CHD5: variants seen among roughly 807,000 people sequenced by gnomAD.
CHD5 encodes ATP-dependent chromatin remodeler CHD5.
CHD5 carries 69 observed loss-of-function variants against 230.3 expected under a neutral mutation model. The observed-to-expected ratio is 0.30, with a 90% CI of 0.25 to 0.37. The LOEUF (loss-of-function observed/expected upper bound fraction) is 0.37, where lower values mean the gene tolerates loss of function less well. Among genes scored for constraint, CHD5 ranks in the 10% least tolerant of loss-of-function variants. CHD5 has a pLI of 1.00. For synonymous variants in CHD5, 1,064 were observed against 1,065.9 expected (o/e 1.00, Z 0.03); for missense variants, 1,827 against 2,622.8 (o/e 0.70, Z 6.63).
In CHD5 at chr1:6,128,020, G is replaced by A; in HGVS notation, c.3903+26C>T. On this transcript the variant is annotated intron_variant, in intron 25 of 41. Transcript: ENST00000262450. This position sits in a 1 kb window ranked among gnomAD's most constrained non-coding sequence, Gnocchi z 7.8. ...GCTGCGGATGGAGGGCGGGGCTGCGGATGGAGGGCGGGCCGGGGACCTTAC... is the reference window on the plus strand; with the variant it reads ...GCTGCGGATGGAGGGCGGGGCTGCGAATGGAGGGCGGGCCGGGGACCTTAC... 3 of 1,561,884 alleles carry A rather than the reference G, an allele frequency of 1.9e-6. No homozygotes were observed. Among genetic ancestry groups the A allele is most frequent in the Non-Finnish European group, 2.6e-6 (3 of 1,152,598 alleles).
intron 30 of CHD5, 68 bp downstream of exon 30, chr1:6,124,449 C>T (rs1666520412): frequency 6.4e-7 from 1 of 1,565,358 alleles, no homozygotes; most frequent in Non-Finnish European, 8.8e-7. Context: ...GACCACTGAC[C>T]CACAAGGGAC....
In CHD5 at chr1:6,124,004, T is replaced by C; in HGVS notation, c.4643A>G (p.Asn1548Ser). 6.2e-7 allele frequency: 1 copy of C among 1,611,140 alleles called. No individual in the cohort carries two copies. Among genetic ancestry groups the C allele is most frequent in the South Asian group, 1.1e-5 (1 of 90,616 alleles). Residue 1548 changes from asparagine (N) to serine (S), a missense_variant, in exon 31 of 42, where the codon AAC becomes AGC. Around this residue, in one of 14 missense-constraint regions of CHD5, gnomAD observed 272 missense variants for 263.2 expected, o/e 1.03. Coordinates refer to ENST00000262450, the MANE Select transcript of CHD5 (RefSeq NM_015557.3). ...KSGEVISSDP[N>S]TPVPASPAHL... is the part of the protein sequence containing the mutation. ...GGCAGGGCTGGCGGGCACTGGTGTG[T>C]TGGGGTCCGAGGAGATCACCTCGCC...
intron 2 of CHD5, among the ~76,000 whole-genome samples, chr1:6,165,699 C>T (rs895734547): frequency 3.9e-5 from 6 of 152,104 alleles, no homozygotes; most frequent in Admixed American, 1.3e-4. Flanking sequence ...CAAAGACCGA[C>T]CTCTGGGGCC....
Position 6,104,294 on chromosome 1 carries a change from G to A in CHD5, c.*1180C>T, listed in dbSNP as rs781630588. The A allele has an allele frequency of 6.6e-6, 1 of 152,268 alleles. No homozygotes were observed. Among genetic ancestry groups the A allele is most frequent in the Non-Finnish European group, 1.5e-5 (1 of 68,072 alleles). The allele number at this position is 152,268 out of a possible 1,614,324, so 9.4% of individuals were successfully genotyped here. ...CAAGCCCTTGGTGCTGCGGCTGGGA[G>A]GGGTCTGCAGAGGGCACTGGGTCCA... On this transcript the variant is annotated 3_prime_UTR_variant, in exon 42 of 42. Coordinates refer to ENST00000262450, the MANE Select transcript of CHD5 (RefSeq NM_015557.3).
chr1:6,142,244 C>T lies in CHD5; in HGVS notation c.2320G>A (p.Asp774Asn), dbSNP rs751630064. The T allele has an allele frequency of 1.1e-5, 18 of 1,614,004 alleles. No homozygotes were observed. The highest frequency in any genetic ancestry group is 1.1e-4 in the East Asian group (5 of 44,890). The part of the protein sequence containing the change: ...WEREFEMWAP[D>N]FYVVTYTGDK... ...CCCGTGTAGGTGACCACGTAGAAGT[C>T]GGGCGCCCACATCTCAAACTCGCGT... The change falls in exon 15 of 42, where the codon GAC becomes AAC. Residue 774 changes from aspartate to asparagine, a missense_variant. Asp to Asn is a conservative substitution (Grantham distance 23). This residue lies in a region of CHD5 where 80 missense variants were observed against 96.4 expected (regional missense o/e 0.83). Transcript: ENST00000262450. This position sits in a 1 kb window ranked among gnomAD's most constrained non-coding sequence, Gnocchi z 5.2.
rs1189147858 is a variant in CHD5, at chr1:6,125,750, T to C, written c.4171+16A>G. 3 of 1,608,056 alleles carry C rather than the reference T, an allele frequency of 1.9e-6. No homozygotes were observed. Among genetic ancestry groups the C allele is most frequent in the Non-Finnish European group, 2.6e-6 (3 of 1,174,542 alleles). On this transcript the variant is annotated intron_variant, in intron 27 of 41. Coordinates refer to ENST00000262450, the MANE Select transcript of CHD5 (RefSeq NM_015557.3). This position sits in a 1 kb window ranked among gnomAD's most constrained non-coding sequence, Gnocchi z 6.7. The stretch of plus-strand genomic sequence containing the variant: ...TGGCCTCAGCAGTAGCCCAGACCAC[T>C]AACACTGAGACTCACTCTGCCCTTC...
In CHD5 at chr1:6,121,360, CCCG is replaced by C. The variant is rs1666468186; in HGVS notation, c.4780-126_4780-124del. ...CCCGTCGCTTGCTCCTAGCCTGCTC[CCCG>C]CCGATTCAGAGCCCCGAAAAGGGAG... On this transcript the variant is annotated intron_variant, in intron 32 of 41. Coordinates refer to ENST00000262450, the MANE Select transcript of CHD5 (RefSeq NM_015557.3). This position sits in a 1 kb window ranked among gnomAD's most constrained non-coding sequence, Gnocchi z 4.5. 6 of 1,506,582 alleles carry C rather than the reference CCCG, an allele frequency of 4.0e-6. No individual in the cohort carries two copies. In the Admixed American group the frequency reaches 1.1e-4, roughly 29 times the overall value. The allele number at this position is 1,506,582 out of a possible 1,614,324, so 93.3% of individuals were successfully genotyped here.
At chr1:6,172,716 G>T (rs946137838) in intron 1 of CHD5, among the ~76,000 whole-genome samples, 1 of 152,120 alleles carries the variant, frequency 6.6e-6, no homozygotes, top group Non-Finnish European at 1.5e-5. Context: ...ACACTGAGGT[G>T]ACTCAGGCTG....
In CHD5 at chr1:6,128,763, C is replaced by A; in HGVS notation, c.3619+75G>T. 1 of 1,382,092 alleles carries A rather than the reference C, an allele frequency of 7.2e-7. No homozygotes were observed. Among genetic ancestry groups the A allele is most frequent in the Non-Finnish European group, 1.0e-6 (1 of 984,676 alleles). The allele number at this position is 1,382,092 out of a possible 1,614,324, so 85.6% of individuals were successfully genotyped here. On this transcript the variant is annotated intron_variant, in intron 23 of 41. Transcript: ENST00000262450. The surrounding 1 kb of genome is among the most constrained non-coding windows in gnomAD (Gnocchi z 7.8). ...CTGTGTGTTGGAGCGGGCAGGGACC[C>A]AAGCAAGCCCTGGATGGGTGTCTCA...
rs1222325613 is a variant in CHD5 at position 6,134,229 on chromosome 1, C to T, written c.3043G>A (p.Asp1015Asn). The T allele has an allele frequency of 2.5e-6, 4 of 1,613,730 alleles. No individual in the cohort carries two copies. Among genetic ancestry groups the T allele is most frequent in the Non-Finnish European group, 3.4e-6 (4 of 1,179,996 alleles). Residue 1015 changes from aspartate to asparagine, a missense_variant, in exon 20 of 42, where the codon GAT becomes AAT. By Grantham distance (23) the Asp-to-Asn change is conservative. Around this residue, in one of 14 missense-constraint regions of CHD5, gnomAD observed 38 missense variants for 49.5 expected, o/e 0.77. Transcript: ENST00000262450. The surrounding 1 kb of genome is among the most constrained non-coding windows in gnomAD (Gnocchi z 6.3). ...EAPVLPNGSYDGSSLVKSSGK... is the reference protein window; with the variant it reads ...EAPVLPNGSYNGSSLVKSSGK... The stretch of plus-strand genomic sequence containing the variant: ...GAAGACTTGACCAGGGAGCTTCCAT[C>T]GTAGGAGCCATTGGGCAAGACAGGG...
chr1:6,180,212 G>C lies in CHD5; in HGVS notation c.-189C>G, dbSNP rs1667494238. ...GTCTCGACCCCCCTTTCTCTCGGCC[G>C]CCTTAGCCTGCTCCCCGCAAAGCCC... On this transcript the variant is annotated 5_prime_UTR_variant, in exon 1 of 42. Coordinates refer to ENST00000262450, the MANE Select transcript of CHD5 (RefSeq NM_015557.3). 1 of 154,156 alleles carries C rather than the reference G, an allele frequency of 6.5e-6. No homozygotes were observed. The highest frequency in any genetic ancestry group is 1.2e-5 in the Non-Finnish European group (1 of 81,912). The allele number at this position is 154,156 out of a possible 1,614,324, so 9.5% of individuals were successfully genotyped here.
At chr1:6,168,950 T>C (rs1296170090) in intron 1 of CHD5, among the ~76,000 whole-genome samples, 1 of 142,176 alleles carries the variant, frequency 7.0e-6, no homozygotes, top group Admixed American at 7.4e-5. Flanking sequence ...ACCCAGGAGG[T>C]GGAGGTTGCA....
chr1:6,135,942 G>A (rs1233916511), intron 17 of CHD5, among the ~76,000 whole-genome samples: 5 of 152,112 alleles, frequency 3.3e-5, no homozygotes, highest in Non-Finnish European at 5.9e-5. Context: ...CCCAGGAGGC[G>A]GAGGTTGCAG....
intron 2 of CHD5, among the ~76,000 whole-genome samples, chr1:6,161,903 C>G (rs1050991515): frequency 2.0e-5 from 3 of 152,178 alleles, no homozygotes; most frequent in African/African-American, 7.2e-5. Flanking sequence ...ACAAACCTAC[C>G]GAGGATGAAG....
chr1:6,146,304 G>C lies in CHD5; in HGVS notation c.1710C>G (p.Asn570Lys). ...DEDGKSEKRK[N>K]KDPLYAKMEE... ...CCATCTTGGCATAGAGGGGGTCCTT[G>C]TTCTTCCTCTTCTCGCTCTTGCCGT... Residue 570 changes from asparagine (N) to lysine (K), a missense_variant, in exon 11 of 42, where the codon AAC becomes AAG. Physicochemically the swap from Asn to Lys is moderately conservative, Grantham distance 94. Transcript: ENST00000262450. The surrounding 1 kb of genome is among the most constrained non-coding windows in gnomAD (Gnocchi z 5.1). 6.2e-7 allele frequency: 1 copy of C among 1,614,178 alleles called. No individual in the cohort carries two copies. Among genetic ancestry groups the C allele is most frequent in the Non-Finnish European group, 8.5e-7 (1 of 1,180,026 alleles).
At chr1:6,163,848 C>T (rs1344768372) in intron 2 of CHD5, among the ~76,000 whole-genome samples, 6 of 152,238 alleles carry the variant, frequency 3.9e-5, no homozygotes, top group Admixed American at 3.9e-4. Context: ...TGACAGTTGG[C>T]CTTCGACCTT....
At chr1:6,114,310 C>T (rs1666341324) in intron 33 of CHD5, among the ~76,000 whole-genome samples, 1 of 151,352 alleles carries the variant, frequency 6.6e-6, no homozygotes, top group South Asian at 2.1e-4. Context: ...ACCCAGAAAA[C>T]AATGATCCCC....
intron 13 of CHD5, among the ~76,000 whole-genome samples, chr1:6,143,609 T>A (rs1159959045): frequency 6.6e-6 from 1 of 152,158 alleles, no homozygotes; most frequent in African/African-American, 2.4e-5. Flanking sequence ...CTGGGTCTCC[T>A]CCCAGGTGAG....
chr1:6,159,314 C>T (rs1208647806), intron 3 of CHD5, 22 bp downstream of exon 3: 5 of 1,551,084 alleles, frequency 3.2e-6, no homozygotes, highest in African/African-American at 1.4e-5. Flanking sequence ...CTCTGTCCCC[C>T]CAGCCAGGCC....
Sources: allele counts gnomAD v4.1 joint callset (sites outside exome capture counted in the v4.1 genomes callset), GRCh38; gene constraint gnomAD v4.1.1; regional missense constraint gnomAD v4.1.1; non-coding constraint Gnocchi (gnomAD v3.1); transcripts MANE v1.5; gene names NCBI Gene and HGNC (gene_info 2026-07-23, HGNC 2026-07-21).